SH3GL2: variants seen among roughly 807,000 people sequenced by gnomAD.
SH3GL2 encodes the protein SH3 domain containing GRB2 like 2, endophilin A1.
SH3GL2 carries 24 observed loss-of-function variants against 46.0 expected under a neutral mutation model. The observed-to-expected ratio is 0.52, with a 90% confidence interval of 0.38 to 0.73. The LOEUF (loss-of-function observed/expected upper bound fraction) is 0.73, where lower values mean the gene tolerates loss of function less well. SH3GL2 is among the 30% of genes least tolerant of loss of function. The pLI is 0.00. For missense variants in SH3GL2, 413 were observed against 424.2 expected, an observed-to-expected ratio of 0.97 and a Z score of 0.23; for synonymous variants, 196 against 147.1, an observed-to-expected ratio of 1.33 and a Z score of -2.40.
At chr9:17,758,761 G>A (rs1182013058) in intron 2 of SH3GL2, among the ~76,000 whole-genome samples, 1 of 120,066 alleles carries the variant, frequency 8.3e-6, no homozygotes, top group Non-Finnish European at 1.8e-5. Context: ...AAAGGGTTTA[G>A]GTAGAACTTG....
At position 17,751,451 on chromosome 9, in the gene SH3GL2, G is replaced by A. The variant is rs1822839950; in HGVS notation, c.114+4317G>A. On this transcript the variant is annotated intron_variant, in intron 2 of 8. Coordinates refer to ENST00000380607, the MANE Select transcript of SH3GL2 (RefSeq NM_003026.5). Reference sequence around the variant, plus strand: ...AAAAACTTTTGGCTATCAAAGCTGGGTTTTTGGTGTGTGTGTTTTTGTGTG... The same window carrying A: ...AAAAACTTTTGGCTATCAAAGCTGGATTTTTGGTGTGTGTGTTTTTGTGTG... 2.7e-5 allele frequency among the ~76,000 whole-genome samples: 4 copies of A among 148,456 alleles called. No individual in the cohort carries two copies. In the South Asian group the frequency reaches 8.4e-4, roughly 31 times the overall value.
intron 1 of SH3GL2, among the ~76,000 whole-genome samples, chr9:17,622,870 C>T (rs984717330): frequency 2.0e-5 from 3 of 152,110 alleles, no homozygotes; most frequent in Admixed American, 6.5e-5. Context: ...AATCCTCTGC[C>T]GCAGTTTTTG....
intron 1 of SH3GL2, among the ~76,000 whole-genome samples, chr9:17,712,824 C>T (rs1314095488): frequency 6.6e-6 from 1 of 151,088 alleles, no homozygotes; most frequent in Non-Finnish European, 1.5e-5. Flanking sequence ...TCTGTATATC[C>T]ATCCATCCAT....
chr9:17,775,682 G>C (rs1214586430), intron 3 of SH3GL2, among the ~76,000 whole-genome samples: 4 of 152,144 alleles, frequency 2.6e-5, no homozygotes, highest in Non-Finnish European at 5.9e-5. Context: ...AGACAGATAG[G>C]GATGACAAAG....
chr9:17,718,603 T>C (rs1821818089), intron 1 of SH3GL2, among the ~76,000 whole-genome samples: 1 of 152,028 alleles, frequency 6.6e-6, no homozygotes, highest in Admixed American at 6.6e-5. Flanking sequence ...TGGCACACAC[T>C]TGTAGTCCCA....
At chr9:17,595,469 C>A (rs193196343) in intron 1 of SH3GL2, among the ~76,000 whole-genome samples, 27 of 152,258 alleles carry the variant, frequency 1.8e-4, no homozygotes, top group Admixed American at 5.2e-4. Context: ...CATGGATCCC[C>A]GTTTATGGTG....
chr9:17,755,759 A>G lies in SH3GL2; in HGVS notation c.115-5678A>G, dbSNP rs554431717. On this transcript the variant is annotated intron_variant, in intron 2 of 8. Coordinates refer to ENST00000380607, the MANE Select transcript of SH3GL2 (RefSeq NM_003026.5). ...TATCTTTCAGTCCTTTTGTTGCTCCACAAACAACGCCACGCTGTTCACGAG... is the reference window on the plus strand; with the variant it reads ...TATCTTTCAGTCCTTTTGTTGCTCCGCAAACAACGCCACGCTGTTCACGAG... 8 of 984,772 alleles carry G rather than the reference A, an allele frequency of 8.1e-6. No homozygotes were observed. The African/African-American group carries it at 8.7e-5, about 11-fold the overall frequency. The allele number at this position is 984,772 out of a possible 1,614,324, so 61.0% of individuals were successfully genotyped here. A position where few individuals can be genotyped will look rare whatever the true frequency, so the allele number is the denominator to read the frequency against.
intron 1 of SH3GL2, among the ~76,000 whole-genome samples, chr9:17,635,524 G>A (rs35625140): frequency 6.6e-6 from 1 of 152,120 alleles, no homozygotes; most frequent in African/African-American, 2.4e-5. Context: ...TCCTGGGTTT[G>A]AACTGCTTTA....
chr9:17,777,682 C>T (rs1022632212), intron 3 of SH3GL2, among the ~76,000 whole-genome samples: 19 of 152,040 alleles, frequency 1.2e-4, no homozygotes, highest in African/African-American at 4.1e-4. Context: ...TTTCGTGGTG[C>T]ATGTGTGTGG....
chr9:17,640,495 A>G (rs190040171), intron 1 of SH3GL2, among the ~76,000 whole-genome samples: 2 of 152,322 alleles, frequency 1.3e-5, no homozygotes, highest in East Asian at 3.9e-4. Context: ...TTGTCATAAT[A>G]TTAAAGAAAA....
chr9:17,751,308 A>C (rs1822835457), intron 2 of SH3GL2, among the ~76,000 whole-genome samples: 1 of 152,202 alleles, frequency 6.6e-6, no homozygotes, highest in Non-Finnish European at 1.5e-5. Flanking sequence ...CATGGTCATT[A>C]TCTTCATACA....
At chr9:17,695,998 C>G (rs1200363155) in intron 1 of SH3GL2, among the ~76,000 whole-genome samples, 1 of 152,212 alleles carries the variant, frequency 6.6e-6, no homozygotes, top group East Asian at 1.9e-4. Context: ...CCTGATAGTT[C>G]TAGTTCAGGC....
Position 17,693,750 on chromosome 9 carries a change from C to T in SH3GL2, c.46-53316C>T, listed in dbSNP as rs77870323. On this transcript the variant is annotated intron_variant, in intron 1 of 8. Transcript: ENST00000380607. ...CCAGTTCTCTGCTGGATGAATCAAG[C>T]GAGCAGTGAACGAAATGCCTGGCAA... Among the ~76,000 whole-genome samples the T allele has an allele frequency of 6.9e-3, 1,051 of 152,266 alleles. 4 individuals are homozygous for T. The highest frequency in any genetic ancestry group is 0.013 in the Non-Finnish European group (858 of 68,018).
At chr9:17,590,401 T>C (rs1456219335) in intron 1 of SH3GL2, 1 of 152,218 alleles carries the variant, frequency 6.6e-6, no homozygotes, top group African/African-American at 2.4e-5. Flanking sequence ...TCCAGAGATC[T>C]TCTACTTCTG....
intron 1 of SH3GL2, among the ~76,000 whole-genome samples, chr9:17,632,057 T>G (rs1819438409): frequency 6.6e-6 from 1 of 152,196 alleles, no homozygotes; most frequent in Admixed American, 6.5e-5. Flanking sequence ...AAGGGCTTTC[T>G]TAACCACATA....
intron 1 of SH3GL2, among the ~76,000 whole-genome samples, chr9:17,633,846 G>A (rs74749791): frequency 6.6e-6 from 1 of 152,148 alleles, no homozygotes; most frequent in Non-Finnish European, 1.5e-5. Context: ...TCAGCTGAAA[G>A]AATATTTCTA....
intron 1 of SH3GL2, among the ~76,000 whole-genome samples, chr9:17,580,765 ACTT>A (rs1381485517): frequency 6.6e-6 from 1 of 152,182 alleles, no homozygotes; most frequent in Non-Finnish European, 1.5e-5. Flanking sequence ...CTGTGGCAGG[ACTT>A]CTTCGATATT....
intron 2 of SH3GL2, among the ~76,000 whole-genome samples, chr9:17,752,329 A>G (rs1464688081): frequency 6.6e-6 from 1 of 152,170 alleles, no homozygotes; most frequent in African/African-American, 2.4e-5. Flanking sequence ...GTGGGTGTGT[A>G]TGCATTATTA....
At chr9:17,685,412 T>A (rs1379213617) in intron 1 of SH3GL2, among the ~76,000 whole-genome samples, 1 of 152,080 alleles carries the variant, frequency 6.6e-6, no homozygotes, top group Admixed American at 6.6e-5. Flanking sequence ...GAATGTAGAT[T>A]TTAAGCATAT....
Sources: allele counts gnomAD v4.1 joint callset (sites outside exome capture counted in the v4.1 genomes callset), GRCh38; gene constraint gnomAD v4.1.1; transcripts MANE v1.5; gene names NCBI Gene and HGNC (gene_info 2026-07-23, HGNC 2026-07-21).